The following SNX29 variants were observed in gnomAD, a reference collection of about 807,000 sequenced individuals.
The protein encoded by SNX29 is sorting nexin-29.
A neutral mutation model predicts 102.1 loss-of-function variants in SNX29; 78 were observed. The observed-to-expected ratio is 0.76, with a 90% confidence interval of 0.64 to 0.92. The LOEUF (loss-of-function observed/expected upper bound fraction) is 0.92. Ranked by LOEUF, SNX29 falls within the 40% of genes least tolerant of loss-of-function variation. The pLI is 0.00. For missense variants in SNX29, 1,280 were observed against 1,061.7 expected, an observed-to-expected ratio of 1.21 and a Z score of -2.86; for synonymous variants, 580 against 414.5, an observed-to-expected ratio of 1.40 and a Z score of -4.85.
chr16:12,492,368 G>T (rs2088595021), intron 19 of SNX29, among the ~76,000 whole-genome samples: 1 of 152,116 alleles, frequency 6.6e-6, no homozygotes, highest in African/African-American at 2.4e-5. Flanking sequence ...CCCACTTTTT[G>T]ATGGGGTTGT....
At chr16:12,452,041 G>C (rs114445716) in intron 18 of SNX29, among the ~76,000 whole-genome samples, 1 of 152,146 alleles carries the variant, frequency 6.6e-6, no homozygotes, top group Non-Finnish European at 1.5e-5. Context: ...GCTTTGGACA[G>C]TTATTGAGCC....
At chr16:12,183,773 C>T (rs2076447663) in intron 13 of SNX29, among the ~76,000 whole-genome samples, 1 of 152,160 alleles carries the variant, frequency 6.6e-6, no homozygotes, top group African/African-American at 2.4e-5. Context: ...AGATACAGGT[C>T]CCAAAGACCT....
intron 11 of SNX29, 131 bp from the exon 12 acceptor site, chr16:12,126,502 G>A: frequency 2.2e-6 from 2 of 904,298 alleles, no homozygotes; most frequent in Non-Finnish European, 3.4e-6. Context: ...TGTTATAGGA[G>A]TTATTTTTGA....
At chr16:12,388,698 C>T (rs760195156) in intron 16 of SNX29, among the ~76,000 whole-genome samples, 22 of 152,278 alleles carry the variant, frequency 1.4e-4, no homozygotes, top group Admixed American at 5.2e-4. Context: ...TTTACAAAAA[C>T]GGGCTGGATT....
At chr16:12,197,276 A>T (rs2076800260) in intron 13 of SNX29, among the ~76,000 whole-genome samples, 1 of 152,082 alleles carries the variant, frequency 6.6e-6, no homozygotes, top group African/African-American at 2.4e-5. Context: ...ATCCTAGAAA[A>T]CATGCTCTAC....
intron 20 of SNX29, among the ~76,000 whole-genome samples, chr16:12,547,786 G>C (rs537614529): frequency 6.6e-6 from 1 of 152,134 alleles, no homozygotes; most frequent in South Asian, 2.1e-4. Context: ...CCTGGCTACC[G>C]AACAGAATGG....
intron 20 of SNX29, among the ~76,000 whole-genome samples, chr16:12,547,390 G>A (rs1013746374): frequency 1.3e-5 from 2 of 152,178 alleles, no homozygotes; most frequent in Admixed American, 1.3e-4. Flanking sequence ...CTTTGTTATG[G>A]GTGATAGAAC....
chr16:12,568,328 T>C (rs373112166), intron 20 of SNX29, among the ~76,000 whole-genome samples, 178 bp from the exon 21 acceptor site: 146 of 141,870 alleles, frequency 1.0e-3, no homozygotes, highest in African/African-American at 3.5e-3. Context: ...TGGAAAGGTT[T>C]ACGTGACAAT....
At chr16:12,503,429 G>C (rs1190829223) in intron 19 of SNX29, among the ~76,000 whole-genome samples, 1 of 152,184 alleles carries the variant, frequency 6.6e-6, no homozygotes, top group Admixed American at 6.5e-5. Flanking sequence ...GAGAAGTCAG[G>C]GTGTTGGGGG....
intron 13 of SNX29, among the ~76,000 whole-genome samples, chr16:12,195,054 A>G (rs1316484447): frequency 3.9e-5 from 6 of 152,224 alleles, no homozygotes; most frequent in South Asian, 2.1e-4. Context: ...GTTGTGGTCT[A>G]TACATTTCCA....
rs2079195795 is a variant in SNX29, at chr16:12,571,902, A to C, written c.*3273A>C. ...GGAGCTGAGGTTCAAAGCCCCCTGC[A>C]TTTCTCTACTGGCAGGCCCTGGTGA... On this transcript the variant is annotated 3_prime_UTR_variant, in exon 21 of 21. Transcript: ENST00000566228. 2.8e-6 allele frequency: 3 copies of C among 1,061,874 alleles called. No homozygotes were observed. The highest frequency in any genetic ancestry group is 3.4e-6 in the Non-Finnish European group (3 of 877,092). The allele number at this position is 1,061,874 out of a possible 1,614,324, so 65.8% of individuals were successfully genotyped here.
chr16:12,263,855 G>T (rs920652047), intron 14 of SNX29, among the ~76,000 whole-genome samples: 6 of 152,148 alleles, frequency 3.9e-5, no homozygotes, highest in African/African-American at 1.2e-4. Context: ...TCCAATTTGT[G>T]GATGTTTCAT....
chr16:12,313,077 G>C (rs552343017), intron 15 of SNX29, among the ~76,000 whole-genome samples: 2 of 151,684 alleles, frequency 1.3e-5, no homozygotes. Context: ...TGAGTGGGGC[G>C]ATCTCGGCTT....
rs149607188 is a variant in SNX29 at position 12,163,588 on chromosome 16, T to A, written c.1595+33830T>A. 7.2e-5 allele frequency among the ~76,000 whole-genome samples: 11 copies of A among 152,142 alleles called. No individual in the cohort carries two copies. In the East Asian group the frequency reaches 2.1e-3, roughly 29 times the overall value. Reference sequence around the variant, plus strand: ...TTTCCATTGAGAGCAGTGTGGAGAGTCATGGAGGGGCTGGTGGCAACAGGA... The same window carrying A: ...TTTCCATTGAGAGCAGTGTGGAGAGACATGGAGGGGCTGGTGGCAACAGGA... On this transcript the variant is annotated intron_variant, in intron 13 of 20. Transcript: ENST00000566228.
rs757377127 is a variant in SNX29 at position 12,569,431 on chromosome 16, C to G, written c.*802C>G. On this transcript the variant is annotated 3_prime_UTR_variant, in exon 21 of 21. Coordinates refer to ENST00000566228, the MANE Select transcript of SNX29 (RefSeq NM_032167.5). ...AGTAACCCGGCGTCATCCAGCGTGT[C>G]CAAAGTAGCATTGGCCCTACAGTCA... 4.3e-6 allele frequency: 1 copy of G among 230,886 alleles called. No individual in the cohort carries two copies. The highest frequency in any genetic ancestry group is 8.6e-6 in the Non-Finnish European group (1 of 116,608). The allele number at this position is 230,886 out of a possible 1,614,324, so 14.3% of individuals were successfully genotyped here.
intron 19 of SNX29, among the ~76,000 whole-genome samples, chr16:12,483,098 A>G (rs1307058614): frequency 1.5e-5 from 2 of 131,114 alleles, no homozygotes; most frequent in African/African-American, 5.7e-5. Flanking sequence ...CAATAGATAC[A>G]TATTGAAGTT....
chr16:12,537,669 CTTT>C (rs1291165911), intron 20 of SNX29, among the ~76,000 whole-genome samples: 2 of 152,198 alleles, frequency 1.3e-5, no homozygotes, highest in East Asian at 1.9e-4. Context: ...TACTTCATGT[CTTT>C]TTTAAACATT....
chr16:12,525,077 C>T (rs565070390), intron 20 of SNX29, among the ~76,000 whole-genome samples: 32 of 152,176 alleles, frequency 2.1e-4, no homozygotes, highest in African/African-American at 5.5e-4. Context: ...ACTTGAGGCT[C>T]ACAAAGAAAC....
intron 14 of SNX29, among the ~76,000 whole-genome samples, chr16:12,255,027 C>T (rs1458258274): frequency 6.6e-6 from 1 of 152,118 alleles, no homozygotes; most frequent in African/African-American, 2.4e-5. Flanking sequence ...ATTGAAGTAT[C>T]ATTGACAACA....
Sources: allele counts gnomAD v4.1 joint callset (sites outside exome capture counted in the v4.1 genomes callset), GRCh38; gene constraint gnomAD v4.1.1; transcripts MANE v1.5; gene names NCBI Gene and HGNC (gene_info 2026-07-23, HGNC 2026-07-21).